IGF2BP2: variants seen among roughly 807,000 people sequenced by gnomAD.
The protein encoded by IGF2BP2 is insulin like growth factor 2 mRNA binding protein 2.
A neutral mutation model predicts 75.8 loss-of-function variants in IGF2BP2; 17 were observed. That is an observed-to-expected ratio of 0.22 (90% CI 0.15 to 0.34). The LOEUF is 0.34. Ranked by LOEUF, IGF2BP2 falls within the 10% of genes least tolerant of loss-of-function variation. The pLI is 1.00. For missense variants in IGF2BP2, 516 were observed against 772.4 expected, an observed-to-expected ratio of 0.67 and a Z score of 3.93; for synonymous variants, 288 against 295.6, an observed-to-expected ratio of 0.97 and a Z score of 0.26.
intron 14 of IGF2BP2, among the ~76,000 whole-genome samples, chr3:185,649,114 A>G (rs1714117594): frequency 6.6e-6 from 1 of 152,014 alleles, no homozygotes; most frequent in African/African-American, 2.4e-5. Flanking sequence ...TTCACTGACC[A>G]TGGAGTCAAG....
At chr3:185,760,612 C>G (rs530610305) in intron 2 of IGF2BP2, among the ~76,000 whole-genome samples, 1 of 152,184 alleles carries the variant, frequency 6.6e-6, no homozygotes, top group Admixed American at 6.5e-5. Flanking sequence ...GTGGATTTTG[C>G]CTTTCCGGAC....
chr3:185,654,369 T>G (rs974840586), intron 12 of IGF2BP2, among the ~76,000 whole-genome samples: 7 of 152,214 alleles, frequency 4.6e-5, no homozygotes, highest in African/African-American at 1.7e-4. Context: ...GATCCATACC[T>G]GGCATTAAAC....
intron 2 of IGF2BP2, among the ~76,000 whole-genome samples, chr3:185,748,428 G>A (rs1320724929): frequency 6.6e-6 from 1 of 152,118 alleles, no homozygotes; most frequent in Admixed American, 6.5e-5. Flanking sequence ...TCCTATTGTG[G>A]GAAGTCAAAC....
At chr3:185,677,068 T>TATATAGAGAGAGAGAG in intron 7 of IGF2BP2, among the ~76,000 whole-genome samples, 28 of 35,860 alleles carry the variant, frequency 7.8e-4, no homozygotes, top group African/African-American at 3.4e-3. Flanking sequence ...TATATATATA[T>TATATAGAGAGAGAGAG]AGAGAGAGAG....
At chr3:185,732,290 C>G (rs1024060473) in intron 2 of IGF2BP2, among the ~76,000 whole-genome samples, 3 of 152,172 alleles carry the variant, frequency 2.0e-5, no homozygotes, top group African/African-American at 7.2e-5. Flanking sequence ...GAGCGAAACT[C>G]AGAAAAGATC....
chr3:185,749,577 T>A (rs1730695361), intron 2 of IGF2BP2, among the ~76,000 whole-genome samples: 1 of 152,212 alleles, frequency 6.6e-6, no homozygotes, highest in Non-Finnish European at 1.5e-5. Flanking sequence ...TATCCCTGAA[T>A]CTCTCTGGTA....
intron 4 of IGF2BP2, 22 bp downstream of exon 4, chr3:185,696,589 CA>C (rs1560310721): frequency 6.2e-7 from 1 of 1,609,768 alleles, no homozygotes; most frequent in Admixed American, 1.7e-5. Context: ...CTCCAAAACC[CA>C]AAAGGCTTCC....
At chr3:185,652,863 G>C (rs1398439469) in intron 12 of IGF2BP2, among the ~76,000 whole-genome samples, 3 of 152,182 alleles carry the variant, frequency 2.0e-5, no homozygotes. Flanking sequence ...CCAGGCTGGA[G>C]TGCAGTGGCG....
intron 2 of IGF2BP2, among the ~76,000 whole-genome samples, chr3:185,813,706 G>A (rs1050618873): frequency 6.6e-6 from 1 of 152,198 alleles, no homozygotes; most frequent in African/African-American, 2.4e-5. Context: ...TCATGTGTCT[G>A]CTGCACATTC....
chr3:185,681,957 C>T (rs759168147), intron 7 of IGF2BP2, among the ~76,000 whole-genome samples: 1 of 152,194 alleles, frequency 6.6e-6, no homozygotes, highest in Non-Finnish European at 1.5e-5. Flanking sequence ...CTATCAAACT[C>T]CTAAAACACA....
intron 2 of IGF2BP2, among the ~76,000 whole-genome samples, chr3:185,701,367 TAAAAA>T (rs558141080): frequency 8.5e-6 from 1 of 117,140 alleles, no homozygotes; most frequent in Non-Finnish European, 1.8e-5. Context: ...ACCTGCTAAG[TAAAAA>T]AAAAAAAAAA....
chr3:185,742,444 C>T (rs142019459), intron 2 of IGF2BP2, among the ~76,000 whole-genome samples: 4 of 151,718 alleles, frequency 2.6e-5, no homozygotes, highest in East Asian at 3.9e-4. Flanking sequence ...TGCAGTGAGC[C>T]GAGATTGCGC....
chr3:185,785,280 A>AAC (rs1046113097), intron 2 of IGF2BP2, among the ~76,000 whole-genome samples: 9 of 144,216 alleles, frequency 6.2e-5, no homozygotes, highest in African/African-American at 2.4e-4. Flanking sequence ...CAGCCTGGGC[A>AAC]ACAGAGTGAG....
intron 2 of IGF2BP2, among the ~76,000 whole-genome samples, chr3:185,750,641 T>C (rs914748809): frequency 6.6e-6 from 1 of 152,216 alleles, no homozygotes; most frequent in African/African-American, 2.4e-5. Flanking sequence ...CTCAACAAGA[T>C]GTCAAGACAA....
chr3:185,704,162 C>A (rs918420403), intron 2 of IGF2BP2, among the ~76,000 whole-genome samples: 6 of 152,172 alleles, frequency 3.9e-5, no homozygotes. Flanking sequence ...AAAGGGATTT[C>A]CTCATGTGCA....
chr3:185,682,764 T>C lies in IGF2BP2; in HGVS notation c.812+4293A>G, dbSNP rs542327076. ...AGCTGTCACCTCATACCTATTAAGA[T>C]AGCTGTTATCGAAATAACAGAAAAT... On this transcript the variant is annotated intron_variant, in intron 7 of 15. Coordinates refer to ENST00000382199, the MANE Select transcript of IGF2BP2 (RefSeq NM_006548.6). Among the ~76,000 whole-genome samples, 12 of 152,280 alleles carry C rather than the reference T, an allele frequency of 7.9e-5. No individual in the cohort carries two copies. In the South Asian group the frequency reaches 2.3e-3, roughly 29 times the overall value.
At chr3:185,667,699 G>A (rs1035451328) in intron 10 of IGF2BP2, among the ~76,000 whole-genome samples, 7 of 152,140 alleles carry the variant, frequency 4.6e-5, no homozygotes, top group South Asian at 2.1e-4. Context: ...TCCAGTCTTA[G>A]AGAATTTACT....
chr3:185,655,765 T>C (rs1255742096), intron 12 of IGF2BP2, among the ~76,000 whole-genome samples: 2 of 152,220 alleles, frequency 1.3e-5, no homozygotes, highest in African/African-American at 4.8e-5. Context: ...ACAGTTAGGT[T>C]GATATGGTGG....
chr3:185,786,907 A>C (rs1269473096), intron 2 of IGF2BP2, among the ~76,000 whole-genome samples: 1 of 152,196 alleles, frequency 6.6e-6, no homozygotes, highest in East Asian at 1.9e-4. Flanking sequence ...TACTGCCTCT[A>C]AGGCATATTC....
Sources: gnomAD v4.1 joint callset for allele counts (sites outside exome capture counted in the v4.1 genomes callset) on GRCh38, gnomAD v4.1.1 for gene constraint, MANE v1.5 for transcripts, NCBI Gene and HGNC (gene_info 2026-07-23, HGNC 2026-07-21) for gene names.